KHDRBS2: variants seen among roughly 807,000 people sequenced by gnomAD.
KHDRBS2 encodes KH domain-containing, RNA-binding, signal transduction-associated protein 2.
In KHDRBS2, 26 loss-of-function variants were observed where a neutral mutation model predicts 44.3. The observed-to-expected ratio is 0.59, with a 90% CI of 0.43 to 0.81. KHDRBS2 has a LOEUF of 0.81. Among genes scored for constraint, KHDRBS2 ranks in the 40% least tolerant of loss-of-function variants. KHDRBS2 has a pLI of 0.00. For synonymous variants in KHDRBS2, 194 were observed against 151.1 expected (o/e 1.28, Z -2.08); for missense variants, 476 against 433.1 (o/e 1.10, Z -0.88).
At chr6:61,692,282 C>G (rs978585018) in intron 8 of KHDRBS2, among the ~76,000 whole-genome samples, 1 of 151,842 alleles carries the variant, frequency 6.6e-6, no homozygotes, top group African/African-American at 2.4e-5. Flanking sequence ...AATATTCATG[C>G]TCCAAAAACA....
intron 6 of KHDRBS2, among the ~76,000 whole-genome samples, chr6:61,839,299 C>T (rs1280973623): frequency 1.3e-5 from 2 of 151,748 alleles, no homozygotes; most frequent in African/African-American, 2.4e-5. Flanking sequence ...CTCTATCTCC[C>T]CACCCCTCTC....
At chr6:61,793,556 T>A (rs1784912314) in intron 6 of KHDRBS2, among the ~76,000 whole-genome samples, 4 of 152,104 alleles carry the variant, frequency 2.6e-5, no homozygotes, top group African/African-American at 7.2e-5. Flanking sequence ...TCAACAAAAC[T>A]GTAATGCTTT....
At chr6:62,145,947 C>T (rs566723041) in intron 2 of KHDRBS2, among the ~76,000 whole-genome samples, 1 of 151,848 alleles carries the variant, frequency 6.6e-6, no homozygotes, top group South Asian at 2.1e-4. Flanking sequence ...TTGAGTCCCA[C>T]CCCCAAGATA....
chr6:61,862,199 C>A lies in KHDRBS2; in HGVS notation c.810+32436G>T, dbSNP rs565651638. On this transcript the variant is annotated intron_variant, in intron 6 of 8. Coordinates refer to ENST00000281156, the MANE Select transcript of KHDRBS2 (RefSeq NM_152688.4). ...GTAAGCAAAGATAGTTTGACTTCCT[C>A]TTTTCCTATTGTCATCTGCAAGCAA... 9.9e-5 allele frequency among the ~76,000 whole-genome samples: 15 copies of A among 152,200 alleles called. No individual in the cohort carries two copies. The South Asian group carries it at 2.9e-3, about 29-fold the overall frequency.
chr6:62,135,461 C>T (rs187403973), intron 2 of KHDRBS2, among the ~76,000 whole-genome samples: 1 of 152,208 alleles, frequency 6.6e-6, no homozygotes, highest in African/African-American at 2.4e-5. Flanking sequence ...TTATGGAAAA[C>T]AGTATGGAGA....
chr6:61,652,907 T>A, the KHDRBS2 span, among the ~76,000 whole-genome samples: 1 of 152,000 alleles, frequency 6.6e-6, no homozygotes, highest in African/African-American at 2.4e-5. Context: ...TGAGGAGATA[T>A]AAAAGAAAAA....
At chr6:61,748,921 T>C (rs187557257) in intron 6 of KHDRBS2, among the ~76,000 whole-genome samples, 142 of 152,174 alleles carry the variant, frequency 9.3e-4, no homozygotes, top group African/African-American at 3.2e-3. Context: ...TAAATGTAGC[T>C]AGTGTGACCA....
rs149979647 is a variant in KHDRBS2 at position 61,782,905 on chromosome 6, G to T, written c.811-50141C>A. On this transcript the variant is annotated intron_variant, in intron 6 of 8. Coordinates refer to ENST00000281156, the MANE Select transcript of KHDRBS2 (RefSeq NM_152688.4). ...CTACTCAGGCCATATTCTTCTTATG[G>T]CAATGGCAGAAACAGAGTGGGACAC... 5.3e-3 allele frequency among the ~76,000 whole-genome samples: 809 copies of T among 151,438 alleles called. 20 individuals are homozygous for T. The highest frequency in any genetic ancestry group is 9.4e-4 in the Non-Finnish European group (64 of 67,862).
At chr6:62,143,023 T>G (rs1375388219) in intron 2 of KHDRBS2, among the ~76,000 whole-genome samples, 2 of 151,872 alleles carry the variant, frequency 1.3e-5, no homozygotes, top group Non-Finnish European at 2.9e-5. Flanking sequence ...TATTGAATTT[T>G]AAAATCACTT....
At chr6:62,028,311 T>C (rs1783741380) in intron 3 of KHDRBS2, among the ~76,000 whole-genome samples, 1 of 152,118 alleles carries the variant, frequency 6.6e-6, no homozygotes, top group African/African-American at 2.4e-5. Flanking sequence ...TTTCATAAAA[T>C]ATTGAGCTTA....
chr6:61,647,150 C>T, the KHDRBS2 span, among the ~76,000 whole-genome samples: 1 of 152,092 alleles, frequency 6.6e-6, no homozygotes, highest in South Asian at 2.1e-4. Flanking sequence ...TGCAATTGAT[C>T]TTTATCGTCT....
At chr6:62,144,776 C>A (rs1269245409) in intron 2 of KHDRBS2, among the ~76,000 whole-genome samples, 1 of 151,798 alleles carries the variant, frequency 6.6e-6, no homozygotes, top group Non-Finnish European at 1.5e-5. Flanking sequence ...GTGCAAGGTA[C>A]GTGAAAGATC....
At chr6:62,208,188 T>C (rs1828359015) in intron 1 of KHDRBS2, among the ~76,000 whole-genome samples, 1 of 152,224 alleles carries the variant, frequency 6.6e-6, no homozygotes, top group Non-Finnish European at 1.5e-5. Flanking sequence ...TCCATGTTCA[T>C]CCATGTAGTA....
chr6:61,878,709 C>T (rs1799793868), intron 6 of KHDRBS2, among the ~76,000 whole-genome samples: 2 of 152,094 alleles, frequency 1.3e-5, no homozygotes, highest in East Asian at 1.9e-4. Context: ...AAGCACCTGC[C>T]ATGTGTTAAA....
At chr6:61,700,883 C>T (rs1768548053) in intron 7 of KHDRBS2, among the ~76,000 whole-genome samples, 1 of 151,778 alleles carries the variant, frequency 6.6e-6, no homozygotes, top group Non-Finnish European at 1.5e-5. Flanking sequence ...TACACTACTG[C>T]TTGCCTCGGG....
At chr6:61,714,962 G>A (rs1771139988) in intron 7 of KHDRBS2, among the ~76,000 whole-genome samples, 1 of 151,694 alleles carries the variant, frequency 6.6e-6, no homozygotes, top group Non-Finnish European at 1.5e-5. Flanking sequence ...ACAATATGTG[G>A]GTGATGGTTA....
At chr6:61,697,398 A>T in intron 7 of KHDRBS2, 145 bp from the exon 8 acceptor site, 1 of 627,428 alleles carries the variant, frequency 1.6e-6, no homozygotes, top group Non-Finnish European at 2.9e-6. Context: ...ATAAATCTTC[A>T]GTAAGAAAAA....
At chr6:62,265,141 C>T (rs539330226) in intron 1 of KHDRBS2, among the ~76,000 whole-genome samples, 1 of 151,992 alleles carries the variant, frequency 6.6e-6, no homozygotes, top group Admixed American at 6.6e-5. Context: ...TACAACTTAA[C>T]TAAAAGATGC....
chr6:61,590,372 C>A, the KHDRBS2 span, among the ~76,000 whole-genome samples: 1 of 152,130 alleles, frequency 6.6e-6, no homozygotes, highest in Non-Finnish European at 1.5e-5. Context: ...TCTGCGGTCT[C>A]CCAAGAGACC....
Sources: gnomAD v4.1 joint callset for allele counts (sites outside exome capture counted in the v4.1 genomes callset) on GRCh38, gnomAD v4.1.1 for gene constraint, MANE v1.5 for transcripts, NCBI Gene and HGNC (gene_info 2026-07-23, HGNC 2026-07-21) for gene names.